Variants in VPS26A observed in about 807,000 individuals in gnomAD.
VPS26A encodes vacuolar protein sorting-associated protein 26A.
VPS26A carries 22 observed loss-of-function variants against 42.4 expected under a neutral mutation model. The ratio of observed to expected loss-of-function variants is 0.52; its 90% CI spans 0.37 to 0.74. The LOEUF (loss-of-function observed/expected upper bound fraction) is 0.74, where lower values mean the gene tolerates loss of function less well. Ranked by LOEUF, VPS26A falls within the 30% of genes least tolerant of loss-of-function variation. The pLI, the probability that VPS26A is intolerant of heterozygous loss-of-function variation, is 0.00. For synonymous variants in VPS26A, 110 were observed against 123.5 expected (o/e 0.89, Z 0.73); for missense variants, 276 against 379.2 (o/e 0.73, Z 2.26).
At chr10:69,124,490 G>A (rs932576142) in intron 1 of VPS26A, among the ~76,000 whole-genome samples, 6 of 152,190 alleles carry the variant, frequency 3.9e-5, no homozygotes, top group Non-Finnish European at 5.9e-5. Flanking sequence ...ACCTACGGGC[G>A]GCGGCGTGCT....
At chr10:69,162,570 T>C in intron 6 of VPS26A, 58 bp downstream of exon 6, 1 of 1,122,118 alleles carries the variant, frequency 8.9e-7, no homozygotes, top group South Asian at 1.6e-5. Flanking sequence ...ATTTTTAAAA[T>C]CTTAAAATAT....
intron 5 of VPS26A, 49 bp downstream of exon 5, chr10:69,158,260 C>A: frequency 6.9e-7 from 1 of 1,449,318 alleles, no homozygotes; most frequent in Admixed American, 2.3e-5. Flanking sequence ...CAAAAATTAA[C>A]TTTTCAGGTG....
intron 1 of VPS26A, among the ~76,000 whole-genome samples, chr10:69,130,899 A>G (rs1224165453): frequency 1.3e-5 from 2 of 152,114 alleles, no homozygotes; most frequent in Admixed American, 6.6e-5. Context: ...TCCCATTTGT[A>G]TGAATATATA....
At chr10:69,124,357 G>A (rs1020675392) in intron 1 of VPS26A, 77 bp downstream of exon 1, 1 of 1,219,460 alleles carries the variant, frequency 8.2e-7, no homozygotes, top group Non-Finnish European at 1.0e-6. Context: ...ACCGCGGGCC[G>A]GGCGTCGCCG....
At chr10:69,157,309 T>C (rs1027892098) in intron 4 of VPS26A, 146 bp downstream of exon 4, 2 of 1,020,674 alleles carry the variant, frequency 2.0e-6, no homozygotes, top group African/African-American at 1.6e-5. Flanking sequence ...TGGCTAATGC[T>C]GATTTGAGGT....
At chr10:69,132,431 G>GTTTTTTT (rs3086557) in intron 1 of VPS26A, among the ~76,000 whole-genome samples, 2 of 141,294 alleles carry the variant, frequency 1.4e-5, no homozygotes, top group African/African-American at 2.6e-5. Context: ...TTTTGATGTA[G>GTTTTTTT]TTTTTTTTTT....
chr10:69,147,742 C>T (rs1841193874), intron 2 of VPS26A, among the ~76,000 whole-genome samples: 1 of 151,972 alleles, frequency 6.6e-6, no homozygotes. Context: ...TTGACAGAGT[C>T]CTGCTCTGTC....
intron 2 of VPS26A, among the ~76,000 whole-genome samples, chr10:69,151,282 A>AACAC (rs1554854472): frequency 7.3e-6 from 1 of 136,826 alleles, no homozygotes; most frequent in Admixed American, 7.0e-5. Flanking sequence ...AAAAAAAAAA[A>AACAC]ACACACACAC....
intron 2 of VPS26A, among the ~76,000 whole-genome samples, chr10:69,153,914 T>C (rs1181753344): frequency 6.6e-6 from 1 of 152,188 alleles, no homozygotes; most frequent in African/African-American, 2.4e-5. Context: ...GCTGGGTACA[T>C]TCAGTGAACA....
intron 6 of VPS26A, among the ~76,000 whole-genome samples, chr10:69,163,415 T>C (rs774478141): frequency 6.6e-6 from 1 of 152,168 alleles, no homozygotes; most frequent in Non-Finnish European, 1.5e-5. Context: ...CCATTGCACC[T>C]GGCCATTTAC....
At chr10:69,137,828 G>T (rs192099833) in intron 2 of VPS26A, among the ~76,000 whole-genome samples, 163 of 149,932 alleles carry the variant, frequency 1.1e-3, no homozygotes, top group South Asian at 3.5e-3. Flanking sequence ...GGACATGGGG[G>T]CCCTAGGATT....
intron 1 of VPS26A, among the ~76,000 whole-genome samples, chr10:69,125,232 T>G (rs1234701091): frequency 6.6e-6 from 1 of 152,218 alleles, no homozygotes; most frequent in Non-Finnish European, 1.5e-5. Context: ...TTTAAAAAGC[T>G]ACTTTGAATA....
chr10:69,156,246 C>G (rs988077358), intron 3 of VPS26A, among the ~76,000 whole-genome samples: 1 of 151,640 alleles, frequency 6.6e-6, no homozygotes, highest in East Asian at 1.9e-4. Context: ...CATTTGTCTT[C>G]CTGATCTAGT....
intron 1 of VPS26A, among the ~76,000 whole-genome samples, chr10:69,125,894 A>T (rs759638606): frequency 1.3e-5 from 2 of 152,124 alleles, no homozygotes; most frequent in Non-Finnish European, 2.9e-5. Context: ...TCTACCATGT[A>T]TTTTTGCTAA....
intron 6 of VPS26A, among the ~76,000 whole-genome samples, chr10:69,164,963 C>G (rs867319500): frequency 1.7e-4 from 26 of 149,864 alleles, no homozygotes; most frequent in South Asian, 4.2e-4. Flanking sequence ...GCGTCTCCCT[C>G]TGTTTCCAGG....
intron 1 of VPS26A, among the ~76,000 whole-genome samples, chr10:69,125,973 G>C (rs542905290): frequency 6.6e-6 from 1 of 152,292 alleles, no homozygotes; most frequent in African/African-American, 2.4e-5. Context: ...GTCAGTGATA[G>C]GAGGTTTAGG....
chr10:69,132,403 T>C (rs555042038), intron 1 of VPS26A, among the ~76,000 whole-genome samples: 4 of 151,870 alleles, frequency 2.6e-5, no homozygotes, highest in African/African-American at 9.6e-5. Context: ...CTCTTAACAT[T>C]GTACTTAAGT....
At chr10:69,159,022 G>C (rs1325994313) in intron 5 of VPS26A, among the ~76,000 whole-genome samples, 1 of 152,098 alleles carries the variant, frequency 6.6e-6, no homozygotes, top group Admixed American at 6.6e-5. Context: ...ATGCCCACTG[G>C]TATTATAACA....
intron 1 of VPS26A, among the ~76,000 whole-genome samples, chr10:69,129,818 T>C (rs922143051): frequency 6.6e-6 from 1 of 152,188 alleles, no homozygotes; most frequent in Non-Finnish European, 1.5e-5. Flanking sequence ...CTACCGCGCC[T>C]GGCCCAAAAA....
Sources: allele counts gnomAD v4.1 joint callset (sites outside exome capture counted in the v4.1 genomes callset), GRCh38; gene constraint gnomAD v4.1.1; transcripts MANE v1.5; gene names NCBI Gene and HGNC (gene_info 2026-07-23, HGNC 2026-07-21).